AATK: variants seen among roughly 807,000 people sequenced by gnomAD.
AATK encodes serine/threonine-protein kinase LMTK1.
Under a neutral mutation model 114.3 loss-of-function variants are expected in AATK, and 91 were observed. That is an observed-to-expected ratio of 0.80 (90% CI 0.67 to 0.95). The LOEUF (loss-of-function observed/expected upper bound fraction) is 0.95, where lower values mean the gene tolerates loss of function less well. Ranked by LOEUF, AATK falls within the 40% of genes least tolerant of loss-of-function variation. The probability of loss-of-function intolerance (pLI) is 0.00; values close to 1 mark genes in which losing one functional copy is unlikely to be tolerated. For synonymous variants in AATK, 1,075 were observed against 916.5 expected, an observed-to-expected ratio of 1.17 and a Z score of -3.12; for missense variants, 2,176 against 1,965.2, an observed-to-expected ratio of 1.11 and a Z score of -2.03.
chr17:81,136,376 C>G (rs1171781644), intron 1 of AATK: 1 of 152,468 alleles, frequency 6.6e-6, no homozygotes, highest in East Asian at 1.9e-4. Context: ...GAGGCCCGAC[C>G]TCAGCCTCCC....
At chr17:81,136,385 C>G (rs1382162140) in intron 1 of AATK, 6 of 152,486 alleles carry the variant, frequency 3.9e-5, no homozygotes, top group African/African-American at 1.4e-4. Context: ...CCTCAGCCTC[C>G]CCCTCAACCT....
At chr17:81,148,975 C>T (rs1483172612) in intron 1 of AATK, among the ~76,000 whole-genome samples, 2 of 152,166 alleles carry the variant, frequency 1.3e-5, no homozygotes, top group Non-Finnish European at 2.9e-5. Context: ...GACACGGAGA[C>T]CGGGGGTGGA....
intron 1 of AATK, among the ~76,000 whole-genome samples, chr17:81,138,938 ACACACATG>A (rs989219927): frequency 1.3e-5 from 2 of 149,078 alleles, no homozygotes; most frequent in Non-Finnish European, 3.0e-5. Context: ...GTGTAGGCAC[ACACACATG>A]CACACCCCCC....
chr17:81,123,538 C>G (rs978311670), intron 9 of AATK, among the ~76,000 whole-genome samples, 195 bp from the exon 10 acceptor site: 2 of 152,136 alleles, frequency 1.3e-5, no homozygotes, highest in Non-Finnish European at 2.9e-5. Flanking sequence ...CCTGCCAGGC[C>G]CAAGCCCAGC....
In AATK at chr17:81,121,677, GC is replaced by G; in HGVS notation, c.2258del (p.Gly753AlafsTer92). 1 of 1,500,470 alleles carries G rather than the reference GC, an allele frequency of 6.7e-7. No homozygotes were observed. Among genetic ancestry groups the G allele is most frequent in the South Asian group, 1.3e-5 (1 of 77,614 alleles). 92.9% of individuals were successfully genotyped at this position (1,500,470 alleles called of 1,614,324 possible). A position where few individuals can be genotyped will look rare whatever the true frequency, so the allele number is the denominator to read the frequency against. On this transcript the variant is annotated frameshift_variant, in exon 11 of 14. Transcript: ENST00000326724. LOFTEE classifies it high-confidence loss of function. ...PGLPHLCSAQGLAPAPCLVTP... is the reference protein window; with the variant it reads ...PGLPHLCSAQXLAPAPCLVTP... ...TAACCAGGCAGGGAGCAGGTGCCAGGCCCTGGGCAGAGCATAGATGAGGGAG... is the reference window on the plus strand; with the variant it reads ...TAACCAGGCAGGGAGCAGGTGCCAGGCCTGGGCAGAGCATAGATGAGGGAG...
intron 1 of AATK, among the ~76,000 whole-genome samples, chr17:81,161,709 C>T (rs2061431137): frequency 6.6e-6 from 1 of 152,168 alleles, no homozygotes. Flanking sequence ...AGTTATGAGA[C>T]CTGTCCATGG....
rs868005240 is a variant in AATK, at chr17:81,165,962, C to T, written c.31G>A (p.Ala11Thr). 6.3e-7 allele frequency: 1 copy of T among 1,585,556 alleles called. No homozygotes were observed. Among genetic ancestry groups the T allele is most frequent in the Non-Finnish European group, 8.6e-7 (1 of 1,167,582 alleles). The stretch of plus-strand genomic sequence containing the variant: ...CCGGGGTCGAAGTGCGAGCTGAAGG[C>T]GAAGCTGGGGTTGAAGAAGGACGAC... MSSSFFNPSFAFSSHFDPDGA... is the reference protein window; with the variant it reads MSSSFFNPSFTFSSHFDPDGA... The change falls in exon 1 of 14, where the codon GCC becomes ACC. Residue 11 changes from alanine (A) to threonine (T), a missense_variant. This residue lies in a region of AATK where 178 missense variants were observed against 175.4 expected (regional missense o/e 1.01). Transcript: ENST00000326724.
At chr17:81,162,605 G>A (rs2061439800) in intron 1 of AATK, among the ~76,000 whole-genome samples, 2 of 152,120 alleles carry the variant, frequency 1.3e-5, no homozygotes, top group East Asian at 3.9e-4. Flanking sequence ...CCTGGCCCGG[G>A]GCTCGCTGCC....
At chr17:81,133,681 G>A (rs778049063) in intron 2 of AATK, among the ~76,000 whole-genome samples, 2 of 152,016 alleles carry the variant, frequency 1.3e-5, no homozygotes, top group Non-Finnish European at 2.9e-5. Flanking sequence ...CCTCCCTGCT[G>A]CTCAGAGTTA....
chr17:81,122,415 G>T lies in AATK; in HGVS notation c.1521C>A (p.Ala507=). 1 of 1,462,924 alleles carries T rather than the reference G, an allele frequency of 6.8e-7. No homozygotes were observed. 90.6% of individuals were successfully genotyped at this position (1,462,924 alleles called of 1,614,324 possible). The part of the protein sequence containing the change: ...GRTARLQELC[A]PDGAPPGVVP... ...CCACGCCCGGGGGCGCGCCGTCGGGGGCGCACAGCTCCTGCAGGCGTGCGG... is the reference window on the plus strand; with the variant it reads ...CCACGCCCGGGGGCGCGCCGTCGGGTGCGCACAGCTCCTGCAGGCGTGCGG... Residue 507 remains alanine (A), a synonymous_variant, in exon 11 of 14, where the codon GCC becomes GCA. Coordinates refer to ENST00000326724, the MANE Select transcript of AATK (RefSeq NM_001080395.3).
intron 1 of AATK, among the ~76,000 whole-genome samples, chr17:81,156,218 A>C (rs1442125531): frequency 6.7e-6 from 1 of 149,802 alleles, no homozygotes; most frequent in Non-Finnish European, 1.5e-5. Context: ...GTATGTTACC[A>C]TGTTACAATG....
chr17:81,129,177 G>A (rs1013875262), intron 3 of AATK, among the ~76,000 whole-genome samples: 9 of 152,364 alleles, frequency 5.9e-5, no homozygotes, highest in Admixed American at 3.9e-4. Flanking sequence ...CACGTCAACT[G>A]CCCAGAGGGC....
At chr17:81,119,288 C>G in intron 13 of AATK, 92 bp downstream of exon 13, 3 of 1,273,680 alleles carry the variant, frequency 2.4e-6, no homozygotes, top group Non-Finnish European at 1.0e-6. Context: ...GGGGCTGGCC[C>G]GGCCCAGGAC....
rs1376534831 is a variant in AATK at position 81,122,284 on chromosome 17, G to T, written c.1652C>A (p.Ala551Asp). ...AGHDPDCAGC[A>D]PSPPATADQD... ...GTCCGCGGTGGCAGGTGGACTGGGG[G>T]CGCAGCCGGCGCAGTCAGGGTCGTG... Residue 551 changes from alanine (A) to aspartate (D), a missense_variant, in exon 11 of 14, where the codon GCC (alanine) becomes GAC (aspartate). Coordinates refer to ENST00000326724, the MANE Select transcript of AATK (RefSeq NM_001080395.3). The T allele has an allele frequency of 1.2e-5, 18 of 1,499,766 alleles. No individual in the cohort carries two copies. The highest frequency in any genetic ancestry group is 1.6e-5 in the Non-Finnish European group (18 of 1,131,588). The allele number at this position is 1,499,766 out of a possible 1,614,324, so 92.9% of individuals were successfully genotyped here. A position where few individuals can be genotyped will look rare whatever the true frequency, so the allele number is the denominator to read the frequency against.
chr17:81,143,640 T>C (rs1301181509), intron 1 of AATK, among the ~76,000 whole-genome samples: 1 of 151,662 alleles, frequency 6.6e-6, no homozygotes, highest in Non-Finnish European at 1.5e-5. Flanking sequence ...TCACAGCCTC[T>C]CTCCTCAGCA....
intron 1 of AATK, 152 bp downstream of exon 1, chr17:81,165,786 G>C: frequency 6.7e-7 from 1 of 1,503,036 alleles, no homozygotes; most frequent in Non-Finnish European, 8.9e-7. Context: ...TCCGAGATCT[G>C]GGGCCGCCAG....
In AATK at chr17:81,121,968, C is replaced by A. The variant is rs544139724; in HGVS notation, c.1968G>T (p.Leu656=). 2 of 1,599,888 alleles carry A rather than the reference C, an allele frequency of 1.3e-6. No homozygotes were observed. Among genetic ancestry groups the A allele is most frequent in the Admixed American group, 1.7e-5 (1 of 59,872 alleles). The change falls in exon 11 of 14, where the codon CTG becomes CTT. Residue 656 remains leucine, a synonymous_variant. Coordinates refer to ENST00000326724, the MANE Select transcript of AATK (RefSeq NM_001080395.3). ...SPLGSSGAPP[L]PLTGEDELEE... ...CTAGCTCATCCTCGCCAGTCAGCGG[C>A]AGCGGGGGCGCCCCTGAGCTCCCCA...
At chr17:81,138,660 C>T (rs1390605591) in intron 1 of AATK, among the ~76,000 whole-genome samples, 1 of 138,516 alleles carries the variant, frequency 7.2e-6, no homozygotes, top group Non-Finnish European at 1.6e-5. Flanking sequence ...TACCCACACA[C>T]ATATCCATAC....
rs147089963 is a variant in AATK at position 81,129,026 on chromosome 17, C to T, written c.335-477G>A. The stretch of plus-strand genomic sequence containing the variant: ...GCTTGGCACGGCCCCGCACGGAGCA[C>T]ACTGGCCCATTCTCCCCGAGGGCCA... On this transcript the variant is annotated intron_variant, in intron 3 of 13. Coordinates refer to ENST00000326724, the MANE Select transcript of AATK (RefSeq NM_001080395.3). 100 of 586,182 alleles carry T rather than the reference C, an allele frequency of 1.7e-4. 1 individual carries two copies. The East Asian group carries it at 9.9e-3, about 58-fold the overall frequency. The allele number at this position is 586,182 out of a possible 1,614,324, so 36.3% of individuals were successfully genotyped here. A position where few individuals can be genotyped will look rare whatever the true frequency, so the allele number is the denominator to read the frequency against.
Sources: allele counts gnomAD v4.1 joint callset (sites outside exome capture counted in the v4.1 genomes callset), GRCh38; gene constraint gnomAD v4.1.1; regional missense constraint gnomAD v4.1.1; transcripts MANE v1.5; gene names NCBI Gene and HGNC (gene_info 2026-07-23, HGNC 2026-07-21).